SUN1: variants seen among roughly 807,000 people sequenced by gnomAD.
SUN1 encodes the protein Sad1 and UNC84 domain containing 1.
Under a neutral mutation model 103.2 loss-of-function variants are expected in SUN1, and 61 were observed. That is an observed-to-expected ratio of 0.59 (90% CI 0.48 to 0.73). SUN1 has a LOEUF of 0.73. Among genes scored for constraint, SUN1 ranks in the 30% least tolerant of loss-of-function variants. SUN1 has a pLI of 0.00. For missense variants in SUN1, 1,052 were observed against 1,034.6 expected (o/e 1.02, Z -0.23); for synonymous variants, 490 against 425.7 (o/e 1.15, Z -1.86).
At chr7:840,522 G>A (rs754312151) in intron 2 of SUN1, among the ~76,000 whole-genome samples, 2 of 152,162 alleles carry the variant, frequency 1.3e-5, no homozygotes, top group African/African-American at 2.4e-5. Context: ...CTTGTTCATC[G>A]TCCTGGGTTC....
rs142898904 is a variant in SUN1 at position 868,128 on chromosome 7, G to A, written c.1981-1221G>A. Among the ~76,000 whole-genome samples, 1,045 of 152,308 alleles carry A rather than the reference G, an allele frequency of 6.9e-3. 13 individuals are homozygous for A. The highest frequency in any genetic ancestry group is 7.3e-3 in the African/African-American group (304 of 41,558). On this transcript the variant is annotated intron_variant, in intron 16 of 18. Coordinates refer to ENST00000401592, the MANE Select transcript of SUN1 (RefSeq NM_001130965.3). ...AGAAGCCGGCGGGTACGTGCCCATC[G>A]TTCACCATCTCTTCTAAACACGAAT...
rs188807452 is a variant in SUN1, at chr7:873,137, G to A, written c.2242-78G>A. On this transcript the variant is annotated intron_variant, in intron 18 of 18. Coordinates refer to ENST00000401592, the MANE Select transcript of SUN1 (RefSeq NM_001130965.3). Reference sequence around the variant, plus strand: ...CCAACTCAGCTGCTTCCTGTCAGACGTCATATTTGGGGAAGTGATTGGACT... The same window carrying A: ...CCAACTCAGCTGCTTCCTGTCAGACATCATATTTGGGGAAGTGATTGGACT... The A allele has an allele frequency of 1.2e-4, 159 of 1,296,206 alleles. 1 individual carries two copies. The African/African-American group carries it at 1.7e-3, about 14-fold the overall frequency. 80.3% of individuals were successfully genotyped at this position (1,296,206 alleles called of 1,614,324 possible).
Position 873,240 on chromosome 7 carries a change from A to G in SUN1, c.2267A>G (p.Gln756Arg). The change falls in exon 19 of 19, where the codon CAA becomes CGA. Residue 756 changes from glutamine to arginine, a missense_variant. Physicochemically the swap from Gln to Arg is conservative, Grantham distance 43. Transcript: ENST00000401592. Reference protein sequence around the residue: ...ALKRPDDTAFQIVELRIFSNW... With the variant: ...ALKRPDDTAFRIVELRIFSNW... ...AAAAGACCCGACGACACAGCTTTCC[A>G]AATAGTGGAACTTCGGATTTTTTCT... is the stretch of plus-strand genomic sequence containing the variant. 2 of 1,614,272 alleles carry G rather than the reference A, an allele frequency of 1.2e-6. No individual in the cohort carries two copies. Among genetic ancestry groups the G allele is most frequent in the Non-Finnish European group, 1.7e-6 (2 of 1,180,048 alleles).
rs763028622 is a variant in SUN1, at chr7:869,515, A to G, written c.2147A>G (p.Tyr716Cys). The part of the protein sequence containing the change: ...ISSAPKDFAV[Y>C]GLENEYQEEG... ...AGCGCCCCCAAGGACTTCGCCGTCTATGTGAGTGCCCTTGGCCGACCCTCC... is the reference window on the plus strand; with the variant it reads ...AGCGCCCCCAAGGACTTCGCCGTCTGTGTGAGTGCCCTTGGCCGACCCTCC... The change falls in exon 17 of 19, where the codon TAT (tyrosine) becomes TGT (cysteine). Residue 716 changes from tyrosine to cysteine, a missense_variant and splice_region_variant. This residue lies in a region of SUN1 where 206 missense variants were observed against 260.1 expected (regional missense o/e 0.79). Coordinates refer to ENST00000401592, the MANE Select transcript of SUN1 (RefSeq NM_001130965.3). 6.2e-6 allele frequency: 10 copies of G among 1,612,676 alleles called. No homozygotes were observed. Among genetic ancestry groups the G allele is most frequent in the East Asian group, 4.5e-5 (2 of 44,860 alleles).
rs952589641 is a variant in SUN1, at chr7:851,813, G to A, written c.758-137G>A. On this transcript the variant is annotated intron_variant, in intron 6 of 18. Coordinates refer to ENST00000401592, the MANE Select transcript of SUN1 (RefSeq NM_001130965.3). The stretch of plus-strand genomic sequence containing the variant: ...TTACTGCCTTGCTTCCTGCCGTGGC[G>A]ACTAGCATCACCGAACTTCTTCACC... The A allele has an allele frequency of 4.4e-5, 37 of 832,104 alleles. No homozygotes were observed. The African/African-American group carries it at 5.1e-4, about 12-fold the overall frequency. The allele number at this position is 832,104 out of a possible 1,614,324, so 51.5% of individuals were successfully genotyped here. A position where few individuals can be genotyped will look rare whatever the true frequency, so the allele number is the denominator to read the frequency against.
At chr7:826,387 G>GC (rs1791979902) in intron 1 of SUN1, among the ~76,000 whole-genome samples, 1 of 151,506 alleles carries the variant, frequency 6.6e-6, no homozygotes, top group Non-Finnish European at 1.5e-5. Context: ...TGCTCATCAT[G>GC]CCCCGCTCGG....
chr7:862,946 T>G (rs184773431), intron 15 of SUN1, among the ~76,000 whole-genome samples: 5 of 152,200 alleles, frequency 3.3e-5, no homozygotes, highest in Admixed American at 3.3e-4. Flanking sequence ...GGTCAGGAGA[T>G]CCTGGCTGAC....
chr7:871,111 G>A (rs1260502853), intron 17 of SUN1, among the ~76,000 whole-genome samples: 1 of 151,770 alleles, frequency 6.6e-6, no homozygotes. Context: ...GGCTGGTCTC[G>A]AACTCCCGAC....
intron 5 of SUN1, among the ~76,000 whole-genome samples, chr7:844,953 C>T (rs1295989693): frequency 3.9e-5 from 6 of 152,290 alleles, no homozygotes; most frequent in African/African-American, 1.2e-4. Flanking sequence ...TTAATCGACG[C>T]GCACAAGGAT....
At chr7:868,121 GC>G (rs1208077885) in intron 16 of SUN1, among the ~76,000 whole-genome samples, 1 of 152,218 alleles carries the variant, frequency 6.6e-6, no homozygotes, top group Non-Finnish European at 1.5e-5. Context: ...GCGGGTACGT[GC>G]CCATCGTTCA....
chr7:872,849 G>A (rs976442520), intron 18 of SUN1, among the ~76,000 whole-genome samples: 1 of 152,176 alleles, frequency 6.6e-6, no homozygotes, highest in Admixed American at 6.5e-5. Context: ...AGCACTTTGC[G>A]GGGCCGAGGC....
intron 1 of SUN1, chr7:817,200 TCCTCCCG>T: frequency 1.8e-6 from 1 of 561,986 alleles, no homozygotes. Flanking sequence ...GCGCGAGCTA[TCCTCCCG>T]CCTCCGCCTC....
chr7:853,313 C>T, intron 9 of SUN1, 96 bp from the exon 10 acceptor site: 4 of 1,411,196 alleles, frequency 2.8e-6, no homozygotes, highest in Non-Finnish European at 3.9e-6. Context: ...CGCCCCAGAG[C>T]TGGCGTCTTG....
chr7:845,271 G>A (rs1242854918), intron 5 of SUN1, among the ~76,000 whole-genome samples: 1 of 152,142 alleles, frequency 6.6e-6, no homozygotes, highest in Non-Finnish European at 1.5e-5. Flanking sequence ...GTAGCTTCCC[G>A]AAACTCATGG....
intron 10 of SUN1, among the ~76,000 whole-genome samples, chr7:854,436 G>T (rs1377824725): frequency 1.3e-5 from 2 of 152,268 alleles, no homozygotes; most frequent in African/African-American, 4.8e-5. Context: ...TAAAATGCAG[G>T]TTCTCACTCG....
chr7:823,077 C>T (rs1204360115), intron 1 of SUN1, among the ~76,000 whole-genome samples: 1 of 152,234 alleles, frequency 6.6e-6, no homozygotes, highest in African/African-American at 2.4e-5. Context: ...GAGTAGAGAG[C>T]GGTGGAGACT....
At chr7:828,017 C>T (rs751840975), upstream of SUN1, among the ~76,000 whole-genome samples, 5 of 151,904 alleles carry the variant, frequency 3.3e-5, no homozygotes, top group Non-Finnish European at 7.4e-5. Context: ...GATTCTCGTG[C>T]CTCAGCCTCC....
chr7:854,295 C>T (rs1056917227), intron 10 of SUN1, among the ~76,000 whole-genome samples: 6 of 152,260 alleles, frequency 3.9e-5, no homozygotes, highest in Non-Finnish European at 7.3e-5. Flanking sequence ...CCCTCCGAGG[C>T]GGTGCGCGCA....
In SUN1 at chr7:846,781, G is replaced by A. The variant is rs141984306; in HGVS notation, c.658+3261G>A. 2.7e-3 allele frequency among the ~76,000 whole-genome samples: 409 copies of A among 152,284 alleles called. 1 individual carries two copies. Among genetic ancestry groups the A allele is most frequent in the Admixed American group, 4.8e-3 (74 of 15,298 alleles). ...ACTTCCAGCTACTCAGGAGGCTGAG[G>A]TGGGAGGATCGCTTGAGCTCAGGAG... On this transcript the variant is annotated intron_variant, in intron 5 of 18. Transcript: ENST00000401592.
Sources: gnomAD v4.1 joint callset for allele counts (sites outside exome capture counted in the v4.1 genomes callset) on GRCh38, gnomAD v4.1.1 for gene constraint, gnomAD v4.1.1 regional missense constraint, MANE v1.5 for transcripts, NCBI Gene and HGNC (gene_info 2026-07-23, HGNC 2026-07-21) for gene names.